The following POU3F3 variants were observed in gnomAD, a reference collection of about 807,000 sequenced individuals.
POU3F3 encodes POU domain, class 3, transcription factor 3.
A neutral mutation model predicts 8.6 loss-of-function variants in POU3F3; 1 was observed. That is an observed-to-expected ratio of 0.12 (90% CI 0.04 to 0.55). The LOEUF (loss-of-function observed/expected upper bound fraction) is 0.55, where lower values mean the gene tolerates loss of function less well. Among genes scored for constraint, POU3F3 ranks in the 20% least tolerant of loss-of-function variants. POU3F3 has a pLI of 0.91. For synonymous variants in POU3F3, 418 were observed against 327.4 expected (o/e 1.28, Z -2.99); for missense variants, 577 against 690.7 (o/e 0.84, Z 1.84).
At chr2:104,886,320 G>A in the POU3F3 span, among the ~76,000 whole-genome samples, 8 of 152,138 alleles carry the variant, frequency 5.3e-5, no homozygotes, top group Non-Finnish European at 1.0e-4. Flanking sequence ...CTTTTTCTGT[G>A]TTTGGATATA....
Position 104,856,818 on chromosome 2 carries a change from C to T in POU3F3, c.1308C>T (p.Ile436=). Residue 436 remains isoleucine, a synonymous_variant, in exon 1 of 1, where the codon ATC becomes ATT. Coordinates refer to ENST00000361360, the MANE Select transcript of POU3F3 (RefSeq NM_006236.3). ...LKCPKPSAQE[I]TNLADSLQLE... ...GCCCCAAGCCCTCCGCGCAGGAGAT[C>T]ACCAACCTGGCCGACAGCCTGCAGC... 1 of 1,614,130 alleles carries T rather than the reference C, an allele frequency of 6.2e-7. No homozygotes were observed. The highest frequency in any genetic ancestry group is 1.1e-5 in the South Asian group (1 of 91,084).
At chr2:104,870,478 C>A in the POU3F3 span, among the ~76,000 whole-genome samples, 4 of 152,308 alleles carry the variant, frequency 2.6e-5, no homozygotes, top group Admixed American at 2.6e-4. Context: ...GAACCAGATG[C>A]TGCTGCTGCT....
downstream of POU3F3, among the ~76,000 whole-genome samples, chr2:104,861,047 A>G (rs997998176): frequency 6.6e-6 from 1 of 151,972 alleles, no homozygotes; most frequent in African/African-American, 2.4e-5. Context: ...TTTGTAAAGT[A>G]TTTATCCTGT....
At chr2:104,920,727 G>T in the POU3F3 span, among the ~76,000 whole-genome samples, 50 of 151,930 alleles carry the variant, frequency 3.3e-4, no homozygotes, top group Non-Finnish European at 5.4e-4. Context: ...ATTTTATTTG[G>T]GTATGCTATA....
the POU3F3 span, among the ~76,000 whole-genome samples, chr2:104,920,075 C>A: frequency 2.4e-4 from 37 of 152,258 alleles, no homozygotes; most frequent in African/African-American, 8.4e-4. Flanking sequence ...AGTGCACTGG[C>A]GCAATCTCAG....
Position 104,855,256 on chromosome 2 carries a change from C to T in POU3F3, c.-255C>T, listed in dbSNP as rs1676526153. Among the ~76,000 whole-genome samples, 1 of 150,196 alleles carries T rather than the reference C, an allele frequency of 6.7e-6. No homozygotes were observed. The highest frequency in any genetic ancestry group is 2.4e-5 in the African/African-American group (1 of 41,186). ...GACCAAGGCCGGCCGGCGACCCCCG[C>T]GCCCTGCCGAGCGGCCTTGCAGCTG... On this transcript the variant is annotated 5_prime_UTR_variant, in exon 1 of 1. Transcript: ENST00000361360.
chr2:104,926,309 C>T, the POU3F3 span, among the ~76,000 whole-genome samples: 2 of 152,168 alleles, frequency 1.3e-5, no homozygotes, highest in Non-Finnish European at 2.9e-5. Flanking sequence ...TGAACAGACA[C>T]TTCCTAAAAG....
At chr2:104,873,084 G>A in the POU3F3 span, among the ~76,000 whole-genome samples, 1 of 152,196 alleles carries the variant, frequency 6.6e-6, no homozygotes, top group East Asian at 1.9e-4. Context: ...AGTACGCTTA[G>A]GTAACCTTAC....
the POU3F3 span, among the ~76,000 whole-genome samples, chr2:104,874,579 G>C: frequency 6.6e-6 from 1 of 152,158 alleles, no homozygotes; most frequent in Admixed American, 6.5e-5. Context: ...GAGTTGAACA[G>C]TGTGGGGGAC....
the POU3F3 span, among the ~76,000 whole-genome samples, chr2:104,903,080 C>T: frequency 3.3e-5 from 5 of 152,286 alleles, no homozygotes; most frequent in South Asian, 8.3e-4. Context: ...TTTTGTTCAA[C>T]GCGTTCTATC....
the POU3F3 span, among the ~76,000 whole-genome samples, chr2:104,925,561 C>T: frequency 6.6e-6 from 1 of 152,140 alleles, no homozygotes; most frequent in Non-Finnish European, 1.5e-5. Flanking sequence ...CTGGGTGCTA[C>T]AACTGTGAGC....
chr2:104,925,418 G>A, the POU3F3 span, among the ~76,000 whole-genome samples: 1 of 152,096 alleles, frequency 6.6e-6, no homozygotes, highest in African/African-American at 2.4e-5. Context: ...AAAATGAGTA[G>A]GTAAGAAATT....
chr2:104,881,525 C>T, the POU3F3 span, among the ~76,000 whole-genome samples: 1 of 152,130 alleles, frequency 6.6e-6, no homozygotes, highest in Middle Eastern at 3.4e-3. Flanking sequence ...TCTTTCTGTC[C>T]TCTCTCTTTC....
chr2:104,919,395 G>A, the POU3F3 span, among the ~76,000 whole-genome samples: 1 of 152,192 alleles, frequency 6.6e-6, no homozygotes, highest in Non-Finnish European at 1.5e-5. Flanking sequence ...CAGCTGTCCA[G>A]CTTTCAGAGC....
At chr2:104,902,130 G>T in the POU3F3 span, among the ~76,000 whole-genome samples, 1 of 151,484 alleles carries the variant, frequency 6.6e-6, no homozygotes, top group African/African-American at 2.4e-5. Context: ...TCCCTCTCTC[G>T]CCCCCTCTCT....
Position 104,855,597 on chromosome 2 carries a change from TGGCGGCGGCGGGGGTGGCGGC to T in POU3F3, c.99_119del (p.Gly37_Gly43del). On this transcript the variant is annotated inframe_deletion, in exon 1 of 1. Transcript: ENST00000361360. ...TTGTGCACTCGGACGCGGCAGGGGC[TGGCGGCGGCGGGGGTGGCGGC>T]GGCGGCGGCGGCGGGGGCGGCGCAG... 1.0e-6 allele frequency: 1 copy of T among 963,484 alleles called. No homozygotes were observed. Among genetic ancestry groups the T allele is most frequent in the Non-Finnish European group, 1.2e-6 (1 of 822,642 alleles). The allele number at this position is 963,484 out of a possible 1,614,324, so 59.7% of individuals were successfully genotyped here.
chr2:104,879,829 G>A, the POU3F3 span, among the ~76,000 whole-genome samples: 2 of 152,140 alleles, frequency 1.3e-5, no homozygotes, highest in Admixed American at 1.3e-4. Flanking sequence ...ACAAGTGTGG[G>A]GTGTCTTCCT....
At chr2:104,889,905 G>GT in the POU3F3 span, among the ~76,000 whole-genome samples, 5 of 152,050 alleles carry the variant, frequency 3.3e-5, no homozygotes, top group South Asian at 2.1e-4. Context: ...ATCTTTTCTT[G>GT]TAAGTTTTTT....
the POU3F3 span, among the ~76,000 whole-genome samples, chr2:104,912,454 G>A: frequency 1.3e-5 from 2 of 151,870 alleles, no homozygotes; most frequent in Non-Finnish European, 2.9e-5. Flanking sequence ...ATGTGGTGTG[G>A]GGGGCCCCCA....
Sources: gnomAD v4.1 joint callset for allele counts (sites outside exome capture counted in the v4.1 genomes callset) on GRCh38, gnomAD v4.1.1 for gene constraint, MANE v1.5 for transcripts, NCBI Gene and HGNC (gene_info 2026-07-23, HGNC 2026-07-21) for gene names.